Variants in NALCN observed in about 807,000 individuals in gnomAD.
NALCN encodes sodium leak channel NALCN.
A neutral mutation model predicts 225.3 loss-of-function variants in NALCN; 111 were observed. The ratio of observed to expected loss-of-function variants is 0.49; its 90% CI spans 0.42 to 0.58. The LOEUF (loss-of-function observed/expected upper bound fraction) is 0.58. Ranked by LOEUF, NALCN falls within the 20% of genes least tolerant of loss-of-function variation. The pLI, the probability that NALCN is intolerant of heterozygous loss-of-function variation, is 0.00. For synonymous variants in NALCN, 764 were observed against 769.0 expected (o/e 0.99, Z 0.11); for missense variants, 1,378 against 2,202.4 (o/e 0.63, Z 7.49).
At chr13:101,172,568 A>G (rs1000612102) in intron 15 of NALCN, among the ~76,000 whole-genome samples, 1 of 151,776 alleles carries the variant, frequency 6.6e-6, no homozygotes, top group Non-Finnish European at 1.5e-5. Flanking sequence ...ATTTATTGTT[A>G]TTATTATTTG....
chr13:101,166,131 G>GTTTA (rs2038427799), intron 15 of NALCN, among the ~76,000 whole-genome samples: 1 of 152,098 alleles, frequency 6.6e-6, no homozygotes, highest in South Asian at 2.1e-4. Flanking sequence ...ACCACATTTT[G>GTTTA]TTTATCTATT....
At chr13:101,231,583 G>C (rs2041350334) in intron 12 of NALCN, among the ~76,000 whole-genome samples, 1 of 152,074 alleles carries the variant, frequency 6.6e-6, no homozygotes, top group South Asian at 2.1e-4. Context: ...GATTATAACA[G>C]CTCCCAAATT....
At chr13:101,343,691 A>G (rs1181710161) in intron 7 of NALCN, among the ~76,000 whole-genome samples, 8 of 152,182 alleles carry the variant, frequency 5.3e-5, no homozygotes, top group Non-Finnish European at 1.0e-4. Flanking sequence ...GTAGGGGGCG[A>G]CTGCCTCCAA....
rs1566794435 is a variant in NALCN at position 101,083,207 on chromosome 13, G to GA, written c.3584-10dup. 8 of 1,611,718 alleles carry GA rather than the reference G, an allele frequency of 5.0e-6. No individual in the cohort carries two copies. Among genetic ancestry groups the GA allele is most frequent in the Non-Finnish European group, 6.8e-6 (8 of 1,178,114 alleles). On this transcript the variant is annotated splice_polypyrimidine_tract_variant and intron_variant, in intron 31 of 43. Coordinates refer to ENST00000251127, the MANE Select transcript of NALCN (RefSeq NM_052867.4). Reference sequence around the variant, plus strand: ...TCTAAAACCATCATTATCTAGAAAAGAAAGGTTTGGGCAAGGGCATTTTAG... The same window carrying GA: ...TCTAAAACCATCATTATCTAGAAAAGAAAAGGTTTGGGCAAGGGCATTTTAG...
intron 11 of NALCN, among the ~76,000 whole-genome samples, chr13:101,252,948 T>C (rs2042105929): frequency 6.6e-6 from 1 of 152,116 alleles, no homozygotes; most frequent in African/African-American, 2.4e-5. Flanking sequence ...TTTTGTTAAA[T>C]GTACAGTCTA....
intron 37 of NALCN, among the ~76,000 whole-genome samples, chr13:101,073,052 G>A (rs2033005446): frequency 6.6e-6 from 1 of 152,202 alleles, no homozygotes; most frequent in Admixed American, 6.5e-5. Context: ...CATGTAGCTG[G>A]CTGTCTTAGC....
intron 7 of NALCN, among the ~76,000 whole-genome samples, chr13:101,322,405 C>A (rs1353267721): frequency 6.6e-6 from 1 of 152,170 alleles, no homozygotes; most frequent in African/African-American, 2.4e-5. Context: ...ATAACTTAAT[C>A]AGTATAAAAT....
chr13:101,350,610 A>G (rs1261047261), intron 6 of NALCN, among the ~76,000 whole-genome samples: 1 of 152,132 alleles, frequency 6.6e-6, no homozygotes, highest in Non-Finnish European at 1.5e-5. Flanking sequence ...TCCCTGACAC[A>G]GCGTCTATGA....
intron 6 of NALCN, among the ~76,000 whole-genome samples, chr13:101,357,215 G>T (rs927634838): frequency 2.0e-5 from 3 of 152,000 alleles, no homozygotes; most frequent in African/African-American, 4.8e-5. Flanking sequence ...AGAAATAAAG[G>T]GTATTTAAAT....
chr13:101,307,266 G>C (rs1012426466), intron 7 of NALCN, among the ~76,000 whole-genome samples: 2 of 152,154 alleles, frequency 1.3e-5, no homozygotes, highest in African/African-American at 4.8e-5. Flanking sequence ...GGAAGCCACA[G>C]ACAACTGTTG....
intron 37 of NALCN, among the ~76,000 whole-genome samples, chr13:101,069,387 C>T (rs2032677239): frequency 6.6e-6 from 1 of 152,138 alleles, no homozygotes; most frequent in African/African-American, 2.4e-5. Context: ...GCATTATGTC[C>T]AAAAAGGTAC....
chr13:101,162,280 T>C (rs530210458), intron 15 of NALCN, among the ~76,000 whole-genome samples: 1 of 152,362 alleles, frequency 6.6e-6, no homozygotes, highest in African/African-American at 2.4e-5. Flanking sequence ...GAAGGCTCCA[T>C]GGGAGCAAAG....
intron 13 of NALCN, among the ~76,000 whole-genome samples, chr13:101,197,447 T>C (rs1426250328): frequency 6.6e-6 from 1 of 152,176 alleles, no homozygotes; most frequent in Non-Finnish European, 1.5e-5. Context: ...TTCATTTCCT[T>C]AGGTTTTATT....
chr13:101,180,942 A>G, intron 14 of NALCN: 1 of 421,068 alleles, frequency 2.4e-6, no homozygotes, highest in Non-Finnish European at 4.6e-6. Flanking sequence ...TGGAGAGCGG[A>G]TGGGAAGGGC....
chr13:101,110,274 C>A (rs931194015), intron 20 of NALCN, among the ~76,000 whole-genome samples: 4 of 152,156 alleles, frequency 2.6e-5, no homozygotes, highest in African/African-American at 9.7e-5. Context: ...CTAGAATATT[C>A]GATTCTCAGT....
At chr13:101,097,716 C>T (rs2034589814) in intron 27 of NALCN, among the ~76,000 whole-genome samples, 1 of 152,162 alleles carries the variant, frequency 6.6e-6, no homozygotes. Context: ...TCTGATTCCT[C>T]TTCTTACCAA....
At chr13:101,376,357 C>T (rs1353466832) in intron 6 of NALCN, among the ~76,000 whole-genome samples, 1 of 151,588 alleles carries the variant, frequency 6.6e-6, no homozygotes, top group African/African-American at 2.4e-5. Context: ...AAAAATTGGA[C>T]AAAACAAAAA....
chr13:101,241,653 G>A (rs892775403), intron 11 of NALCN, among the ~76,000 whole-genome samples: 2 of 152,106 alleles, frequency 1.3e-5, no homozygotes, highest in Admixed American at 1.3e-4. Context: ...ATGTTGGCCA[G>A]GTTGGTCTCG....
intron 7 of NALCN, among the ~76,000 whole-genome samples, chr13:101,336,702 A>G (rs1026816631): frequency 6.6e-6 from 1 of 152,220 alleles, no homozygotes; most frequent in Non-Finnish European, 1.5e-5. Context: ...TTTATGTCAC[A>G]TTCTAATAAA....
Sources: gnomAD v4.1 joint callset for allele counts (sites outside exome capture counted in the v4.1 genomes callset) on GRCh38, gnomAD v4.1.1 for gene constraint, MANE v1.5 for transcripts, NCBI Gene and HGNC (gene_info 2026-07-23, HGNC 2026-07-21) for gene names.